The following RAB8B variants were observed in gnomAD, a reference collection of about 807,000 sequenced individuals.
The protein encoded by RAB8B is ras-related protein Rab-8B.
In RAB8B, 11 loss-of-function variants were observed where a neutral mutation model predicts 32.0. The ratio of observed to expected loss-of-function variants is 0.34; its 90% CI spans 0.22 to 0.57. RAB8B has a LOEUF of 0.57. Ranked by LOEUF, RAB8B falls within the 20% of genes least tolerant of loss-of-function variation. The pLI is 0.86. For synonymous variants in RAB8B, 103 were observed against 89.6 expected (o/e 1.15, Z -0.85); for missense variants, 190 against 258.5 (o/e 0.73, Z 1.82).
At chr15:63,240,806 C>CAAA (rs11312318) in intron 1 of RAB8B, among the ~76,000 whole-genome samples, 2,096 of 113,728 alleles carry the variant, frequency 0.018, 91 homozygotes, top group East Asian at 0.16. Context: ...ATGTTCCTAA[C>CAAA]AAAAAAAAAA....
intron 1 of RAB8B, among the ~76,000 whole-genome samples, chr15:63,234,171 C>T (rs1242775559): frequency 1.3e-5 from 2 of 152,112 alleles, no homozygotes; most frequent in Non-Finnish European, 2.9e-5. Context: ...TTCTAAGCTG[C>T]AGCACCCACC....
At chr15:63,225,025 G>T (rs1362106019) in intron 1 of RAB8B, among the ~76,000 whole-genome samples, 3 of 152,184 alleles carry the variant, frequency 2.0e-5, no homozygotes, top group African/African-American at 4.8e-5. Context: ...TGAAATGAGG[G>T]TTAGGGATGG....
At chr15:63,214,419 GT>G (rs2037774889) in intron 1 of RAB8B, among the ~76,000 whole-genome samples, 1 of 151,054 alleles carries the variant, frequency 6.6e-6, no homozygotes, top group East Asian at 2.0e-4. Flanking sequence ...AGCCTCCCGG[GT>G]AGCTGGGATT....
chr15:63,197,678 CT>C (rs1388573430), intron 1 of RAB8B, among the ~76,000 whole-genome samples: 2 of 152,058 alleles, frequency 1.3e-5, no homozygotes, highest in Non-Finnish European at 2.9e-5. Context: ...GCTGAAATGG[CT>C]TTCTTTAAAG....
intron 1 of RAB8B, among the ~76,000 whole-genome samples, chr15:63,217,826 T>C (rs930118976): frequency 6.6e-6 from 1 of 152,202 alleles, no homozygotes; most frequent in Non-Finnish European, 1.5e-5. Flanking sequence ...TATCAAATAT[T>C]TGTATCAAAA....
At chr15:63,238,250 T>G (rs1316292379) in intron 1 of RAB8B, among the ~76,000 whole-genome samples, 3 of 151,844 alleles carry the variant, frequency 2.0e-5, no homozygotes, top group Non-Finnish European at 1.5e-5. Flanking sequence ...AAAAAGTTGC[T>G]CCCTTACTGC....
chr15:63,218,634 A>T (rs928666093), intron 1 of RAB8B, among the ~76,000 whole-genome samples: 2 of 152,194 alleles, frequency 1.3e-5, no homozygotes, highest in Non-Finnish European at 2.9e-5. Flanking sequence ...AAATGATGTC[A>T]GTTACCACAC....
intron 1 of RAB8B, among the ~76,000 whole-genome samples, chr15:63,226,615 T>C (rs2037890848): frequency 6.6e-6 from 1 of 152,234 alleles, no homozygotes; most frequent in African/African-American, 2.4e-5. Context: ...TCATTTTTCT[T>C]CACACTTCTC....
intron 1 of RAB8B, among the ~76,000 whole-genome samples, chr15:63,220,448 A>C (rs1451849038): frequency 7.7e-6 from 1 of 130,638 alleles, no homozygotes; most frequent in African/African-American, 2.5e-5. Context: ...TGTACAGACC[A>C]ACTTTTTTTT....
At chr15:63,223,894 C>T (rs1471070846) in intron 1 of RAB8B, 1 of 434,456 alleles carries the variant, frequency 2.3e-6, no homozygotes, top group Non-Finnish European at 4.6e-6. Context: ...TATTATCCCA[C>T]AAAATGTCTG....
At chr15:63,195,507 CT>C in intron 1 of RAB8B, among the ~76,000 whole-genome samples, 1 of 152,294 alleles carries the variant, frequency 6.6e-6, no homozygotes, top group South Asian at 2.1e-4. Flanking sequence ...CTGAGAAAAG[CT>C]GGAGGGAAAT....
chr15:63,211,348 T>A (rs1394326137), intron 1 of RAB8B, among the ~76,000 whole-genome samples: 1 of 152,198 alleles, frequency 6.6e-6, no homozygotes, highest in Non-Finnish European at 1.5e-5. Flanking sequence ...CTTTCTGAGT[T>A]GGGAGGTTGG....
chr15:63,216,293 A>G (rs1335222102), intron 1 of RAB8B, among the ~76,000 whole-genome samples: 2 of 147,962 alleles, frequency 1.4e-5, no homozygotes, highest in African/African-American at 5.0e-5. Context: ...CAGCGGCACA[A>G]TCTTGGCTCA....
At chr15:63,240,407 G>T (rs761828698) in intron 1 of RAB8B, among the ~76,000 whole-genome samples, 3 of 152,146 alleles carry the variant, frequency 2.0e-5, no homozygotes, top group Non-Finnish European at 2.9e-5. Context: ...TATCTAATTA[G>T]ATCCTGTCAA....
intron 1 of RAB8B, among the ~76,000 whole-genome samples, chr15:63,210,236 C>A (rs1170941645): frequency 1.3e-5 from 2 of 152,184 alleles, no homozygotes; most frequent in South Asian, 4.1e-4. Flanking sequence ...TAAGAGGCTA[C>A]AGTTTCTTTG....
At chr15:63,219,907 C>T (rs1171849119) in intron 1 of RAB8B, among the ~76,000 whole-genome samples, 1 of 152,134 alleles carries the variant, frequency 6.6e-6, no homozygotes, top group Non-Finnish European at 1.5e-5. Flanking sequence ...CTGCTTTCTA[C>T]TCTTTCTACA....
At chr15:63,231,605 G>A (rs560063764) in intron 1 of RAB8B, among the ~76,000 whole-genome samples, 4 of 151,830 alleles carry the variant, frequency 2.6e-5, no homozygotes, top group Non-Finnish European at 5.9e-5. Flanking sequence ...GGAAATTCTA[G>A]GTTTAGGAAA....
intron 1 of RAB8B, among the ~76,000 whole-genome samples, chr15:63,205,520 TCA>T (rs940969844): frequency 3.3e-5 from 5 of 151,572 alleles, no homozygotes; most frequent in African/African-American, 4.8e-5. Context: ...AAAAAAATAC[TCA>T]CACACACACG....
Position 63,264,480 on chromosome 15 carries a change from G to A in RAB8B, c.*861G>A, listed in dbSNP as rs1390540569. On this transcript the variant is annotated 3_prime_UTR_variant, in exon 8 of 8. Coordinates refer to ENST00000321437, the MANE Select transcript of RAB8B (RefSeq NM_016530.3). ...TGGGCTGAGAGATATACCATTTAGG[G>A]TTTTAGTGCAGCATCTAACTGTGAT... The A allele has an allele frequency of 6.6e-6, 1 of 152,148 alleles. No homozygotes were observed. The highest frequency in any genetic ancestry group is 1.5e-5 in the Non-Finnish European group (1 of 68,032). 9.4% of individuals were successfully genotyped at this position (152,148 alleles called of 1,614,324 possible).
Sources: gnomAD v4.1 joint callset for allele counts (sites outside exome capture counted in the v4.1 genomes callset) on GRCh38, gnomAD v4.1.1 for gene constraint, MANE v1.5 for transcripts, NCBI Gene and HGNC (gene_info 2026-07-23, HGNC 2026-07-21) for gene names.